Variants in KIAA1217 observed in about 807,000 individuals in gnomAD.
The protein encoded by KIAA1217 is KIAA1217.
In KIAA1217, 88 loss-of-function variants were observed where a neutral mutation model predicts 163.9. The ratio of observed to expected loss-of-function variants is 0.54; its 90% CI spans 0.45 to 0.64. The LOEUF (loss-of-function observed/expected upper bound fraction) is 0.64, where lower values mean the gene tolerates loss of function less well. Ranked by LOEUF, KIAA1217 falls within the 30% of genes least tolerant of loss-of-function variation. The probability of loss-of-function intolerance (pLI) is 0.00; values close to 1 mark genes in which losing one functional copy is unlikely to be tolerated. For missense variants in KIAA1217, 2,372 were observed against 2,475.0 expected (o/e 0.96, Z 0.88); for synonymous variants, 903 against 923.1 (o/e 0.98, Z 0.39).
intron 2 of KIAA1217, among the ~76,000 whole-genome samples, chr10:24,225,088 G>T (rs2070327704): frequency 6.6e-6 from 1 of 152,104 alleles, no homozygotes; most frequent in Non-Finnish European, 1.5e-5. Flanking sequence ...GCCTCCCAAA[G>T]TGCTGGGATT....
intron 2 of KIAA1217, among the ~76,000 whole-genome samples, chr10:24,351,853 G>T (rs965457807): frequency 6.6e-6 from 1 of 152,164 alleles, no homozygotes. Context: ...TTGCTGGAGC[G>T]AGATGGGCTC....
chr10:24,123,070 A>C (rs919442), intron 2 of KIAA1217, among the ~76,000 whole-genome samples: 35,490 of 151,428 alleles, frequency 0.23, 4,308 homozygotes, highest in East Asian at 0.43. Flanking sequence ...GATAATTATC[A>C]TCCTAAAATT....
chr10:24,291,065 T>G (rs1015587579), intron 2 of KIAA1217, among the ~76,000 whole-genome samples: 1 of 152,218 alleles, frequency 6.6e-6, no homozygotes, highest in African/African-American at 2.4e-5. Flanking sequence ...TCCTCCTTCT[T>G]GTTGACCACA....
At chr10:24,111,166 C>A (rs1326473388) in intron 2 of KIAA1217, among the ~76,000 whole-genome samples, 1 of 152,020 alleles carries the variant, frequency 6.6e-6, no homozygotes, top group Non-Finnish European at 1.5e-5. Flanking sequence ...CATGCAGAAG[C>A]CAAATATGAG....
intron 2 of KIAA1217, among the ~76,000 whole-genome samples, chr10:24,328,627 T>C (rs776425965): frequency 3.9e-5 from 6 of 152,172 alleles, no homozygotes; most frequent in Admixed American, 6.5e-5. Context: ...TCAATTGATA[T>C]ATTGTTTTCA....
rs1405214756 is a variant in KIAA1217, at chr10:24,344,466, ATCT to A, written c.355-36398_355-36396del. Among the ~76,000 whole-genome samples, 6 of 152,294 alleles carry A rather than the reference ATCT, an allele frequency of 3.9e-5. No homozygotes were observed. In the South Asian group the frequency reaches 1.0e-3, roughly 26 times the overall value. Reference sequence around the variant, plus strand: ...GAGACCTATTCCTTCTCTGAGGTAAATCTTCTTGCAGAGCAGGAAGTTGAGGTT... The same window carrying A: ...GAGACCTATTCCTTCTCTGAGGTAAATCTTGCAGAGCAGGAAGTTGAGGTT... On this transcript the variant is annotated intron_variant, in intron 2 of 20. Transcript: ENST00000376454.
At chr10:24,226,658 TAATA>T (rs1480522626) in intron 2 of KIAA1217, among the ~76,000 whole-genome samples, 1 of 151,396 alleles carries the variant, frequency 6.6e-6, no homozygotes, top group Non-Finnish European at 1.5e-5. Context: ...AAAATAATAA[TAATA>T]AATAAATAAA....
At chr10:23,817,105 C>T (rs1277806590) in intron 1 of KIAA1217, among the ~76,000 whole-genome samples, 1 of 152,124 alleles carries the variant, frequency 6.6e-6, no homozygotes, top group Non-Finnish European at 1.5e-5. Flanking sequence ...GCTAGTTCTT[C>T]CAAAAGCCAT....
At chr10:23,858,461 A>ATG (rs201828039) in intron 1 of KIAA1217, among the ~76,000 whole-genome samples, 3 of 151,880 alleles carry the variant, frequency 2.0e-5, no homozygotes, top group Admixed American at 1.3e-4. Flanking sequence ...ACACAAACAT[A>ATG]TGTGTGTGTG....
At chr10:24,532,575 A>G (rs2073281299) in intron 15 of KIAA1217, among the ~76,000 whole-genome samples, 1 of 152,202 alleles carries the variant, frequency 6.6e-6, no homozygotes, top group South Asian at 2.1e-4. Context: ...TCTCACAATT[A>G]TGGCAGAAGA....
At chr10:24,038,889 A>G (rs988278698) in intron 2 of KIAA1217, among the ~76,000 whole-genome samples, 2 of 151,398 alleles carry the variant, frequency 1.3e-5, no homozygotes, top group African/African-American at 4.9e-5. Flanking sequence ...GACTCTAGGC[A>G]TGTGCCACCA....
At chr10:24,283,891 C>CTTCTT (rs1244986264) in intron 2 of KIAA1217, among the ~76,000 whole-genome samples, 2 of 147,066 alleles carry the variant, frequency 1.4e-5, no homozygotes, top group African/African-American at 2.5e-5. Context: ...TTGAGCATCT[C>CTTCTT]TTCTTTTCTT....
At chr10:23,855,013 C>T (rs1839575564) in intron 1 of KIAA1217, among the ~76,000 whole-genome samples, 1 of 152,134 alleles carries the variant, frequency 6.6e-6, no homozygotes, top group South Asian at 2.1e-4. Context: ...AGTCCATTTA[C>T]ATTTAAAGTT....
chr10:23,750,340 C>G (rs1839667143), intron 1 of KIAA1217, among the ~76,000 whole-genome samples: 5 of 152,224 alleles, frequency 3.3e-5, no homozygotes, highest in Admixed American at 3.3e-4. Flanking sequence ...TCAACTCTTG[C>G]TGTCCTTCTC....
At chr10:24,487,469 A>C (rs1019956873) in intron 6 of KIAA1217, among the ~76,000 whole-genome samples, 1 of 152,234 alleles carries the variant, frequency 6.6e-6, no homozygotes, top group Non-Finnish European at 1.5e-5. Context: ...AATAAACAGC[A>C]TCCCTAGGAG....
At chr10:24,356,641 G>A in intron 2 of KIAA1217, among the ~76,000 whole-genome samples, 1 of 152,206 alleles carries the variant, frequency 6.6e-6, no homozygotes, top group African/African-American at 2.4e-5. Flanking sequence ...AATTAATTCT[G>A]TTATCTTGGA....
intron 1 of KIAA1217, among the ~76,000 whole-genome samples, chr10:23,946,509 T>C (rs558082246): frequency 6.6e-6 from 1 of 152,304 alleles, no homozygotes; most frequent in South Asian, 2.1e-4. Context: ...ATTCCCTTAC[T>C]TATAACAAGA....
intron 2 of KIAA1217, among the ~76,000 whole-genome samples, chr10:24,295,722 G>C (rs1414661634): frequency 6.6e-6 from 1 of 152,128 alleles, no homozygotes; most frequent in African/African-American, 2.4e-5. Context: ...TGTTGACACT[G>C]GTCCCTCTGC....
chr10:23,721,741 A>G (rs968640101), intron 1 of KIAA1217, among the ~76,000 whole-genome samples: 2 of 152,170 alleles, frequency 1.3e-5, no homozygotes, highest in African/African-American at 4.8e-5. Flanking sequence ...AGACAATGAA[A>G]TAAATTAACA....
Sources: allele counts gnomAD v4.1 joint callset (sites outside exome capture counted in the v4.1 genomes callset), GRCh38; gene constraint gnomAD v4.1.1; transcripts MANE v1.5; gene names NCBI Gene and HGNC (gene_info 2026-07-23, HGNC 2026-07-21).